EHBP1: variants seen among roughly 807,000 people sequenced by gnomAD.
EHBP1 encodes the protein EH domain-binding protein 1.
EHBP1 carries 55 observed loss-of-function variants against 144.0 expected under a neutral mutation model. The ratio of observed to expected loss-of-function variants is 0.38; its 90% confidence interval spans 0.31 to 0.48. EHBP1 has a LOEUF of 0.48. Ranked by LOEUF, EHBP1 falls within the 20% of genes least tolerant of loss-of-function variation. EHBP1 has a pLI of 0.98. For synonymous variants in EHBP1, 469 were observed against 472.7 expected (o/e 0.99, Z 0.10); for missense variants, 1,200 against 1,364.2 (o/e 0.88, Z 1.90).
At chr2:62,884,589 G>GA (rs1368544340) in intron 10 of EHBP1, among the ~76,000 whole-genome samples, 1 of 152,048 alleles carries the variant, frequency 6.6e-6, no homozygotes, top group Non-Finnish European at 1.5e-5. Flanking sequence ...GATTTCATTT[G>GA]AAAAAATGTA....
At chr2:63,039,267 T>G (rs1301505011) in intron 21 of EHBP1, among the ~76,000 whole-genome samples, 5 of 152,174 alleles carry the variant, frequency 3.3e-5, no homozygotes, top group African/African-American at 1.2e-4. Flanking sequence ...AGATTCCAAC[T>G]TGTATTAAGT....
intron 3 of EHBP1, among the ~76,000 whole-genome samples, chr2:62,753,604 C>T (rs1311916935): frequency 6.6e-6 from 1 of 152,160 alleles, no homozygotes; most frequent in Non-Finnish European, 1.5e-5. Context: ...TGTTTTCCAA[C>T]TTGGTTCCAT....
intron 16 of EHBP1, 42 bp from the exon 17 acceptor site, chr2:62,993,488 A>G (rs768308885): frequency 2.1e-6 from 3 of 1,407,256 alleles, no homozygotes; most frequent in Non-Finnish European, 2.8e-6. Flanking sequence ...TTTTATGTTT[A>G]TGAGATCAGG....
intron 2 of EHBP1, among the ~76,000 whole-genome samples, chr2:62,727,454 A>G (rs1287862747): frequency 6.6e-6 from 1 of 152,114 alleles, no homozygotes; most frequent in African/African-American, 2.4e-5. Context: ...CGTACCTGTT[A>G]GCAGTCACTC....
chr2:62,685,451 A>C (rs1320316740), intron 1 of EHBP1, among the ~76,000 whole-genome samples: 2 of 151,470 alleles, frequency 1.3e-5, no homozygotes, highest in African/African-American at 2.4e-5. Context: ...AACAACACCC[A>C]AGTCTGTGCC....
chr2:62,996,198 T>C (rs2153225169), intron 18 of EHBP1, among the ~76,000 whole-genome samples: 1 of 152,292 alleles, frequency 6.6e-6, no homozygotes, highest in African/African-American at 2.4e-5. Context: ...TATCTGACTC[T>C]CTCAGGTTGG....
At chr2:62,951,545 G>T (rs1211090018) in intron 13 of EHBP1, among the ~76,000 whole-genome samples, 14 of 139,618 alleles carry the variant, frequency 1.0e-4, no homozygotes, top group Middle Eastern at 3.6e-3. Context: ...GGGGGGGGGG[G>T]GTGGAGTCTT....
chr2:62,770,028 T>C (rs533072488), intron 4 of EHBP1, among the ~76,000 whole-genome samples: 102 of 152,038 alleles, frequency 6.7e-4, no homozygotes, highest in African/African-American at 2.4e-3. Flanking sequence ...TCAAGATGAG[T>C]TGAAGACTTA....
rs2052170623 is a variant in EHBP1 at position 62,888,846 on chromosome 2, T to G, written c.1185+14314T>G. On this transcript the variant is annotated intron_variant, in intron 10 of 22. Coordinates refer to ENST00000431489, the MANE Select transcript of EHBP1 (RefSeq NM_001142616.3). ...ATTCACACAAACTATGACAGAAGTC[T>G]TCCAAACTGTCTGTACTGATAAACT... is the stretch of plus-strand genomic sequence containing the variant. 5.9e-5 allele frequency among the ~76,000 whole-genome samples: 9 copies of G among 152,204 alleles called. No individual in the cohort carries two copies. The South Asian group carries it at 1.9e-3, about 32-fold the overall frequency.
At chr2:62,760,018 C>A (rs1427130476) in intron 3 of EHBP1, among the ~76,000 whole-genome samples, 1 of 151,964 alleles carries the variant, frequency 6.6e-6, no homozygotes, top group Admixed American at 6.6e-5. Flanking sequence ...GGTTCCAGGA[C>A]CCCTGTGTAT....
chr2:62,835,866 T>C (rs1271497483), intron 7 of EHBP1, among the ~76,000 whole-genome samples: 1 of 152,004 alleles, frequency 6.6e-6, no homozygotes, highest in Non-Finnish European at 1.5e-5. Context: ...GGCTGATTGC[T>C]AGCACAGCAG....
intron 19 of EHBP1, among the ~76,000 whole-genome samples, chr2:63,033,366 C>T (rs980383866): frequency 6.6e-6 from 1 of 152,100 alleles, no homozygotes; most frequent in African/African-American, 2.4e-5. Context: ...TACTACTCAG[C>T]CATCACCACT....
chr2:62,920,524 T>G (rs1050353609), intron 10 of EHBP1, among the ~76,000 whole-genome samples: 28 of 152,164 alleles, frequency 1.8e-4, no homozygotes, highest in African/African-American at 6.5e-4. Flanking sequence ...CCCAAAGACA[T>G]GTAAAATAAT....
chr2:62,874,662 T>C (rs1379171195), intron 10 of EHBP1, 130 bp downstream of exon 10: 1 of 734,752 alleles, frequency 1.4e-6, no homozygotes, highest in Non-Finnish European at 2.2e-6. Flanking sequence ...AGACAATCTA[T>C]TGTACTGCAA....
At chr2:62,876,266 C>T (rs2050880871) in intron 10 of EHBP1, among the ~76,000 whole-genome samples, 1 of 152,160 alleles carries the variant, frequency 6.6e-6, no homozygotes, top group Non-Finnish European at 1.5e-5. Flanking sequence ...CTCCACCAGG[C>T]TAACCACAGA....
At chr2:62,851,118 C>G (rs1033091770) in intron 7 of EHBP1, among the ~76,000 whole-genome samples, 1 of 152,228 alleles carries the variant, frequency 6.6e-6, no homozygotes, top group Non-Finnish European at 1.5e-5. Flanking sequence ...TGCCTTCCCT[C>G]ATGGAGTGGT....
At chr2:62,733,433 T>C (rs996999467) in intron 2 of EHBP1, among the ~76,000 whole-genome samples, 1 of 152,202 alleles carries the variant, frequency 6.6e-6, no homozygotes, top group African/African-American at 2.4e-5. Flanking sequence ...ATGGGAGCCC[T>C]ACTGATATGG....
Position 62,895,008 on chromosome 2 carries a change from A to G in EHBP1, c.1185+20476A>G, listed in dbSNP as rs187246949. Among the ~76,000 whole-genome samples the G allele has an allele frequency of 4.6e-5, 7 of 152,162 alleles. No individual in the cohort carries two copies. In the East Asian group the frequency reaches 1.2e-3, roughly 25 times the overall value. On this transcript the variant is annotated intron_variant, in intron 10 of 22. Transcript: ENST00000431489. Reference sequence around the variant, plus strand: ...CAGGGCTGCAGTACCTGATACAGCTATGTATTTGAAAACTGTACGGATGAA... The same window carrying G: ...CAGGGCTGCAGTACCTGATACAGCTGTGTATTTGAAAACTGTACGGATGAA...
intron 19 of EHBP1, among the ~76,000 whole-genome samples, chr2:63,035,439 A>G (rs1256129751): frequency 6.6e-6 from 1 of 152,094 alleles, no homozygotes; most frequent in East Asian, 1.9e-4. Context: ...ATTCTTCACT[A>G]GAATTCATAG....
Sources: gnomAD v4.1 joint callset for allele counts (sites outside exome capture counted in the v4.1 genomes callset) on GRCh38, gnomAD v4.1.1 for gene constraint, MANE v1.5 for transcripts, NCBI Gene and HGNC (gene_info 2026-07-23, HGNC 2026-07-21) for gene names.